The following ELP4 variants were observed in gnomAD, a reference collection of about 807,000 sequenced individuals.
ELP4 encodes the protein elongator acetyltransferase complex subunit 4.
Under a neutral mutation model 48.9 loss-of-function variants are expected in ELP4, and 51 were observed. The ratio of observed to expected loss-of-function variants is 1.04; its 90% CI spans 0.83 to 1.32. The LOEUF (loss-of-function observed/expected upper bound fraction) is 1.32, where lower values mean the gene tolerates loss of function less well. Among genes scored for constraint, ELP4 ranks in the 40% most tolerant of loss-of-function variants. The pLI, the probability that ELP4 is intolerant of heterozygous loss-of-function variation, is 0.00. For missense variants in ELP4, 519 were observed against 514.6 expected, an observed-to-expected ratio of 1.01 and a Z score of -0.08; for synonymous variants, 210 against 189.2, an observed-to-expected ratio of 1.11 and a Z score of -0.90.
chr11:31,771,903 A>T (rs1048943968), intron 9 of ELP4, among the ~76,000 whole-genome samples: 3 of 151,994 alleles, frequency 2.0e-5, no homozygotes, highest in Non-Finnish European at 4.4e-5. Context: ...AATGGCGTGA[A>T]CCCAGGAGGC....
At chr11:31,719,491 T>C (rs1946912480) in intron 9 of ELP4, 1 of 398,202 alleles carries the variant, frequency 2.5e-6, no homozygotes, top group African/African-American at 2.1e-5. Flanking sequence ...GAAGAGTCTG[T>C]GGTCTTTTCC....
intron 9 of ELP4, among the ~76,000 whole-genome samples, chr11:31,726,673 A>C (rs1947082327): frequency 6.6e-6 from 1 of 152,126 alleles, no homozygotes; most frequent in African/African-American, 2.4e-5. Context: ...AAAAAAGGGA[A>C]TCCTAATGGA....
chr11:31,729,410 G>C (rs926391627), intron 9 of ELP4, among the ~76,000 whole-genome samples: 2 of 152,072 alleles, frequency 1.3e-5, no homozygotes. Context: ...TGAAATAATA[G>C]GCAAATAATC....
chr11:31,643,587 T>A (rs1016625638), intron 7 of ELP4, among the ~76,000 whole-genome samples: 1 of 151,898 alleles, frequency 6.6e-6, no homozygotes, highest in Non-Finnish European at 1.5e-5. Context: ...TGAACCATTT[T>A]TATTAGAAAA....
At chr11:31,671,303 A>G (rs1249986787) in intron 9 of ELP4, among the ~76,000 whole-genome samples, 2 of 152,220 alleles carry the variant, frequency 1.3e-5, no homozygotes, top group Non-Finnish European at 2.9e-5. Context: ...TTAAAAGATC[A>G]ATTTTGTAGC....
chr11:31,531,526 G>T (rs1356417253), intron 2 of ELP4, among the ~76,000 whole-genome samples: 1 of 152,180 alleles, frequency 6.6e-6, no homozygotes, highest in Non-Finnish European at 1.5e-5. Flanking sequence ...TCTGGAAGGA[G>T]GTGAGCAAAT....
chr11:31,700,567 G>A (rs951638358), intron 9 of ELP4, among the ~76,000 whole-genome samples: 7 of 151,974 alleles, frequency 4.6e-5, no homozygotes, highest in Non-Finnish European at 7.4e-5. Flanking sequence ...GCCCAAATAA[G>A]TACGTTTTCC....
At chr11:31,627,314 A>G (rs1024413360) in intron 6 of ELP4, 120 bp downstream of exon 6, 11 of 612,090 alleles carry the variant, frequency 1.8e-5, no homozygotes, top group African/African-American at 1.5e-4. Context: ...AGCTGTTTTC[A>G]AGCACAGAAC....
At chr11:31,720,460 G>T (rs1273934129) in intron 9 of ELP4, among the ~76,000 whole-genome samples, 1 of 151,986 alleles carries the variant, frequency 6.6e-6, no homozygotes, top group Non-Finnish European at 1.5e-5. Flanking sequence ...ACCCGCTGAT[G>T]CAGGCATGCA....
chr11:31,514,516 G>A (rs1057048047), intron 1 of ELP4, among the ~76,000 whole-genome samples: 1 of 152,172 alleles, frequency 6.6e-6, no homozygotes, highest in Non-Finnish European at 1.5e-5. Context: ...ATTTTTCTAA[G>A]TTAGGATGAA....
rs1310833223 is a variant in ELP4, at chr11:31,785,902, A to T, written c.*2378A>T. 1.0e-5 allele frequency: 2 copies of T among 195,994 alleles called. No homozygotes were observed. The highest frequency in any genetic ancestry group is 2.1e-5 in the Non-Finnish European group (2 of 94,308). The allele number at this position is 195,994 out of a possible 1,614,324, so 12.1% of individuals were successfully genotyped here. A position where few individuals can be genotyped will look rare whatever the true frequency, so the allele number is the denominator to read the frequency against. On this transcript the variant is annotated 3_prime_UTR_variant, in exon 10 of 10. Transcript: ENST00000640961. ...CTCAAAGATATAAATACTTAAGAAC[A>T]ATGCCAAACGTAATATCTGAAATGA...
At chr11:31,543,987 TA>T (rs1956642527) in intron 3 of ELP4, among the ~76,000 whole-genome samples, 1 of 152,072 alleles carries the variant, frequency 6.6e-6, no homozygotes, top group Admixed American at 6.5e-5. Flanking sequence ...AAAATCAAAA[TA>T]ATGCCAAATG....
intron 1 of ELP4, among the ~76,000 whole-genome samples, chr11:31,515,523 G>A (rs985735531): frequency 1.3e-5 from 2 of 152,124 alleles, no homozygotes; most frequent in African/African-American, 4.8e-5. Flanking sequence ...GAATTAGCCA[G>A]TCATGGTTAC....
chr11:31,515,166 ACTAT>A (rs1956089018), intron 1 of ELP4, among the ~76,000 whole-genome samples: 1 of 152,034 alleles, frequency 6.6e-6, no homozygotes, highest in Admixed American at 6.6e-5. Context: ...ATTCCCCACA[ACTAT>A]CCTTCACAGT....
chr11:31,542,567 T>C (rs1442383392), intron 3 of ELP4, among the ~76,000 whole-genome samples: 2 of 152,216 alleles, frequency 1.3e-5, no homozygotes, highest in African/African-American at 4.8e-5. Flanking sequence ...TAGAAGAGTT[T>C]TGCATTGGTA....
intron 3 of ELP4, among the ~76,000 whole-genome samples, chr11:31,568,480 A>G (rs1957147041): frequency 6.6e-6 from 1 of 152,182 alleles, no homozygotes; most frequent in Admixed American, 6.5e-5. Flanking sequence ...AAGCAATCCT[A>G]AGCAAAAAGA....
intron 9 of ELP4, among the ~76,000 whole-genome samples, chr11:31,741,241 G>A (rs916268077): frequency 2.6e-5 from 4 of 152,306 alleles, no homozygotes; most frequent in East Asian, 3.9e-4. Context: ...TAAACAAAGC[G>A]GCCGGTAAGC....
chr11:31,734,676 A>G (rs1947266369), intron 9 of ELP4, among the ~76,000 whole-genome samples: 1 of 152,234 alleles, frequency 6.6e-6, no homozygotes, highest in South Asian at 2.1e-4. Context: ...AGTATTGTAC[A>G]CTGAAAACTA....
chr11:31,641,686 C>T (rs572671865), intron 7 of ELP4, among the ~76,000 whole-genome samples: 2 of 151,920 alleles, frequency 1.3e-5, no homozygotes, highest in South Asian at 2.1e-4. Context: ...TTCTGTCTTC[C>T]GTCAGGTTCC....
Sources: allele counts gnomAD v4.1 joint callset (sites outside exome capture counted in the v4.1 genomes callset), GRCh38; gene constraint gnomAD v4.1.1; transcripts MANE v1.5; gene names NCBI Gene and HGNC (gene_info 2026-07-23, HGNC 2026-07-21).